The following PTPRN2 variants were observed in gnomAD, a reference collection of about 807,000 sequenced individuals.
PTPRN2 encodes receptor-type tyrosine-protein phosphatase N2.
Under a neutral mutation model 118.8 loss-of-function variants are expected in PTPRN2, and 74 were observed. The ratio of observed to expected loss-of-function variants is 0.62; its 90% CI spans 0.52 to 0.76. PTPRN2 has a LOEUF of 0.76. Ranked by LOEUF, PTPRN2 falls within the 30% of genes least tolerant of loss-of-function variation. PTPRN2 has a pLI of 0.00. For synonymous variants in PTPRN2, 641 were observed against 608.0 expected (o/e 1.05, Z -0.80); for missense variants, 1,481 against 1,394.4 (o/e 1.06, Z -0.99).
intron 11 of PTPRN2, among the ~76,000 whole-genome samples, chr7:158,000,370 C>CCACG (rs111641158): frequency 6.6e-6 from 1 of 151,302 alleles, no homozygotes; most frequent in Non-Finnish European, 1.5e-5. Context: ...AGCCCCAGGG[C>CCACG]CATGCTTGGT....
chr7:158,316,297 G>A (rs1460301573), intron 3 of PTPRN2, among the ~76,000 whole-genome samples: 1 of 152,162 alleles, frequency 6.6e-6, no homozygotes, highest in Non-Finnish European at 1.5e-5. Context: ...TTCTGACCAA[G>A]AGCCCTCACT....
chr7:157,875,690 C>T (rs1008260790), intron 12 of PTPRN2, among the ~76,000 whole-genome samples: 4 of 151,992 alleles, frequency 2.6e-5, no homozygotes, highest in Admixed American at 6.5e-5. Flanking sequence ...CCTTGGGCCT[C>T]GGGGGTCAGG....
chr7:157,726,408 T>C (rs1295048657), intron 12 of PTPRN2, among the ~76,000 whole-genome samples: 1 of 151,130 alleles, frequency 6.6e-6, no homozygotes, highest in Non-Finnish European at 1.5e-5. Flanking sequence ...GACCCTCGCC[T>C]CCCAGGAAAA....
At chr7:158,388,207 C>T (rs772202682) in intron 2 of PTPRN2, among the ~76,000 whole-genome samples, 1 of 152,096 alleles carries the variant, frequency 6.6e-6, no homozygotes, top group African/African-American at 2.4e-5. Context: ...TGGACCCTTC[C>T]GAGTGGCCAT....
At position 158,133,744 on chromosome 7, in the gene PTPRN2, C is replaced by T. The variant is rs199932023; in HGVS notation, c.1489G>A (p.Asp497Asn). The T allele has an allele frequency of 1.7e-5, 28 of 1,612,812 alleles. No individual in the cohort carries two copies. The highest frequency in any genetic ancestry group is 2.7e-5 in the African/African-American group (2 of 74,938). ...GGCTGGACCTCCAATTGCAGGCCGT[C>T]GCTGAGGGCCTCCTGAGCACCCGCT... ...LPAGAQEALS[D>N]GLQLEVQPSE... is the part of the protein sequence containing the mutation. The change falls in exon 9 of 23, where the codon GAC (aspartate) becomes AAC (asparagine). Residue 497 changes from aspartate (D) to asparagine (N), a missense_variant. Asp to Asn is a conservative substitution (Grantham distance 23). Transcript: ENST00000389418.
intron 12 of PTPRN2, among the ~76,000 whole-genome samples, chr7:157,715,717 C>T (rs534129348): frequency 1.3e-5 from 2 of 152,334 alleles, no homozygotes; most frequent in Admixed American, 6.5e-5. Context: ...CGGCGGTCTC[C>T]GCCGTCCAAG....
At chr7:158,149,551 C>G (rs1820709465) in intron 6 of PTPRN2, among the ~76,000 whole-genome samples, 1 of 152,048 alleles carries the variant, frequency 6.6e-6, no homozygotes, top group South Asian at 2.1e-4. Flanking sequence ...TGCCTGTAAT[C>G]CCAGCACTTT....
intron 10 of PTPRN2, among the ~76,000 whole-genome samples, chr7:158,083,809 C>A (rs891957084): frequency 1.3e-5 from 2 of 152,180 alleles, no homozygotes; most frequent in Non-Finnish European, 2.9e-5. Context: ...TGCACTGAGC[C>A]CTGGCTCTGG....
At chr7:158,259,174 C>T (rs908040438) in intron 3 of PTPRN2, among the ~76,000 whole-genome samples, 1 of 152,142 alleles carries the variant, frequency 6.6e-6, no homozygotes, top group East Asian at 1.9e-4. Context: ...TTCTAGACAC[C>T]GGAAGTGGAA....
intron 2 of PTPRN2, among the ~76,000 whole-genome samples, chr7:158,341,478 C>T (rs573881647): frequency 9.6e-5 from 14 of 146,060 alleles, no homozygotes; most frequent in African/African-American, 3.8e-4. Context: ...CACACCCACA[C>T]TCTCACCATA....
chr7:158,239,244 T>C (rs1241505041), intron 3 of PTPRN2, among the ~76,000 whole-genome samples: 1 of 152,174 alleles, frequency 6.6e-6, no homozygotes, highest in African/African-American at 2.4e-5. Flanking sequence ...CTATTCCCCT[T>C]GGGGCACTGT....
chr7:157,663,533 C>T (rs974398626), intron 13 of PTPRN2, among the ~76,000 whole-genome samples: 8 of 152,250 alleles, frequency 5.3e-5, no homozygotes, highest in South Asian at 2.1e-4. Flanking sequence ...GACGTTTGGC[C>T]GCTGCCTCTC....
chr7:158,014,669 C>A (rs902491062), intron 11 of PTPRN2, among the ~76,000 whole-genome samples: 9 of 151,952 alleles, frequency 5.9e-5, no homozygotes, highest in African/African-American at 1.9e-4. Context: ...ATCCATCCAT[C>A]TATTTACCCA....
chr7:158,532,806 G>C (rs1825351093), intron 1 of PTPRN2: 1 of 534,554 alleles, frequency 1.9e-6, no homozygotes, highest in African/African-American at 1.9e-5. Context: ...ATGCGTGCAG[G>C]CTTCCGTGCA....
At chr7:157,931,239 A>G (rs976466422) in intron 11 of PTPRN2, among the ~76,000 whole-genome samples, 9 of 152,026 alleles carry the variant, frequency 5.9e-5, no homozygotes, top group Non-Finnish European at 1.0e-4. Flanking sequence ...TAACTAATAC[A>G]TTTTCATAAG....
rs536296431 is a variant in PTPRN2, at chr7:158,509,319, C to G, written c.113-19534G>C. On this transcript the variant is annotated intron_variant, in intron 1 of 22. Transcript: ENST00000389418. The surrounding 1 kb of genome is among the most constrained non-coding windows in gnomAD (Gnocchi z 4.4). The stretch of plus-strand genomic sequence containing the variant: ...GAAGAATGAATAGTGCTCCCTGATC[C>G]CTAACGTGCAATCGGGGCTGGAGCC... 1.3e-5 allele frequency among the ~76,000 whole-genome samples: 2 copies of G among 152,186 alleles called. No homozygotes were observed. Among genetic ancestry groups the G allele is most frequent in the South Asian group, 4.1e-4 (2 of 4,836 alleles).
intron 13 of PTPRN2, among the ~76,000 whole-genome samples, chr7:157,670,775 C>G (rs1392023988): frequency 6.6e-6 from 1 of 152,256 alleles, no homozygotes; most frequent in Non-Finnish European, 1.5e-5. Flanking sequence ...GCAAAGCCAG[C>G]CTTGAGAGGC....
intron 12 of PTPRN2, among the ~76,000 whole-genome samples, chr7:157,810,288 G>C (rs923197199): frequency 6.6e-6 from 1 of 152,252 alleles, no homozygotes; most frequent in Non-Finnish European, 1.5e-5. Context: ...CCAAAGCAGC[G>C]ATCTAGACGT....
At position 157,974,417 on chromosome 7, in the gene PTPRN2, G is replaced by C. The variant is rs1802578526; in HGVS notation, c.1724-75680C>G. 6.6e-6 allele frequency among the ~76,000 whole-genome samples: 1 copy of C among 152,196 alleles called. No individual in the cohort carries two copies. The highest frequency in any genetic ancestry group is 1.5e-5 in the Non-Finnish European group (1 of 68,036). On this transcript the variant is annotated intron_variant, in intron 11 of 22. Transcript: ENST00000389418. This position sits in a 1 kb window ranked among gnomAD's most constrained non-coding sequence, Gnocchi z 4.0. ...ATTCCCTGTGGCACCTTGGGAGCAT[G>C]GGGCTGCCCTACTGTGGAGTTAGTG...
Sources: allele counts gnomAD v4.1 joint callset (sites outside exome capture counted in the v4.1 genomes callset), GRCh38; gene constraint gnomAD v4.1.1; non-coding constraint Gnocchi (gnomAD v3.1); transcripts MANE v1.5; gene names NCBI Gene and HGNC (gene_info 2026-07-23, HGNC 2026-07-21).